Variants in HTR7 observed in about 807,000 individuals in gnomAD.
HTR7 encodes 5-HT-7.
HTR7 carries 16 observed loss-of-function variants against 34.0 expected under a neutral mutation model. The observed-to-expected ratio is 0.47, with a 90% CI of 0.32 to 0.71. The LOEUF is 0.71. Ranked by LOEUF, HTR7 falls within the 30% of genes least tolerant of loss-of-function variation. The pLI is 0.04. For missense variants in HTR7, 504 were observed against 625.5 expected, an observed-to-expected ratio of 0.81 and a Z score of 2.07; for synonymous variants, 265 against 260.2, an observed-to-expected ratio of 1.02 and a Z score of -0.18.
intron 1 of HTR7, among the ~76,000 whole-genome samples, chr10:90,838,477 T>C (rs1846283148): frequency 1.3e-5 from 2 of 152,162 alleles, no homozygotes; most frequent in African/African-American, 2.4e-5. Context: ...GGTCTCCAAG[T>C]TTTCATTCTC....
At chr10:90,784,279 TTCTTTCTCTGAAGC>T (rs1220191223) in intron 1 of HTR7, among the ~76,000 whole-genome samples, 3 of 152,336 alleles carry the variant, frequency 2.0e-5, no homozygotes, top group African/African-American at 4.8e-5. Context: ...TACCTCTGTG[TTCTTTCTCTGAAGC>T]TCAAGTATTG....
chr10:90,779,267 TAGAG>T (rs1845269851), intron 1 of HTR7, among the ~76,000 whole-genome samples: 1 of 152,062 alleles, frequency 6.6e-6, no homozygotes, highest in South Asian at 2.1e-4. Context: ...TTAGGACAAA[TAGAG>T]AAAGAGGGAC....
intron 1 of HTR7, among the ~76,000 whole-genome samples, chr10:90,763,925 G>T (rs1027286874): frequency 6.6e-6 from 1 of 152,166 alleles, no homozygotes; most frequent in East Asian, 1.9e-4. Flanking sequence ...ACATATGTGT[G>T]CATGTGTCTT....
At chr10:90,806,586 G>A (rs1017115337) in intron 1 of HTR7, among the ~76,000 whole-genome samples, 2 of 151,330 alleles carry the variant, frequency 1.3e-5, no homozygotes, top group African/African-American at 2.4e-5. Context: ...GCGACAGAGC[G>A]AGACTCCATC....
chr10:90,808,739 C>G (rs1475742097), intron 1 of HTR7, among the ~76,000 whole-genome samples: 3 of 152,080 alleles, frequency 2.0e-5, no homozygotes, highest in Non-Finnish European at 2.9e-5. Flanking sequence ...TCTCCCTTAG[C>G]CTGTGTTCTC....
chr10:90,811,280 C>T (rs1845805170), intron 1 of HTR7, among the ~76,000 whole-genome samples: 1 of 152,126 alleles, frequency 6.6e-6, no homozygotes, highest in South Asian at 2.1e-4. Context: ...CTGCTGCCAC[C>T]CCAATACTTT....
chr10:90,754,966 G>A (rs899581771), intron 1 of HTR7, among the ~76,000 whole-genome samples: 1 of 152,190 alleles, frequency 6.6e-6, no homozygotes, highest in South Asian at 2.1e-4. Context: ...AGTGGCTGCT[G>A]AAACTGCCAG....
intron 1 of HTR7, among the ~76,000 whole-genome samples, chr10:90,817,830 C>G (rs1845919514): frequency 6.6e-6 from 1 of 152,122 alleles, no homozygotes; most frequent in African/African-American, 2.4e-5. Context: ...AAATGTCTTT[C>G]AACTGTTGAA....
intron 1 of HTR7, among the ~76,000 whole-genome samples, chr10:90,833,712 TC>T (rs1392496059): frequency 5.3e-5 from 8 of 152,226 alleles, no homozygotes; most frequent in African/African-American, 1.9e-4. Context: ...CCAGTAATAA[TC>T]ATGGATTTTA....
At chr10:90,766,645 A>AT in intron 1 of HTR7, among the ~76,000 whole-genome samples, 1 of 152,122 alleles carries the variant, frequency 6.6e-6, no homozygotes, top group East Asian at 1.9e-4. Flanking sequence ...TAACCTGAAG[A>AT]TTTTTTGTAG....
intron 1 of HTR7, among the ~76,000 whole-genome samples, chr10:90,831,265 G>T (rs1846167828): frequency 6.6e-6 from 1 of 152,268 alleles, no homozygotes. Flanking sequence ...AGCGTGTCCG[G>T]AGTTTGTTCC....
chr10:90,857,331 T>G lies in HTR7; in HGVS notation c.341A>C (p.Gln114Pro). Reference sequence around the variant, plus strand: ...GGACACGATCAGGTAGTTGGAGGGCTGGCGGAGCTTCTTGACGAAGCACAC... The same window carrying G: ...GGACACGATCAGGTAGTTGGAGGGCGGGCGGAGCTTCTTGACGAAGCACAC... ...ISVCFVKKLR[Q>P]PSNYLIVSLA... Residue 114 changes from glutamine (Q) to proline (P), a missense_variant, in exon 1 of 4, where the codon CAG becomes CCG. By Grantham distance (76) the Gln-to-Pro change is moderately conservative. Transcript: ENST00000336152. The surrounding 1 kb of genome is among the most constrained non-coding windows in gnomAD (Gnocchi z 6.5). 1 of 1,613,964 alleles carries G rather than the reference T, an allele frequency of 6.2e-7. No homozygotes were observed. The highest frequency in any genetic ancestry group is 8.5e-7 in the Non-Finnish European group (1 of 1,179,994).
At chr10:90,788,059 T>G (rs2119869928) in intron 1 of HTR7, among the ~76,000 whole-genome samples, 1 of 152,234 alleles carries the variant, frequency 6.6e-6, no homozygotes, top group Admixed American at 6.5e-5. Context: ...ACCCTTACCC[T>G]GAGCCGGAGC....
intron 1 of HTR7, among the ~76,000 whole-genome samples, chr10:90,802,731 G>C (rs1385427290): frequency 6.6e-6 from 1 of 152,176 alleles, no homozygotes; most frequent in Non-Finnish European, 1.5e-5. Flanking sequence ...GATTCCATGT[G>C]GGATTAACAA....
At chr10:90,761,618 C>T (rs140240653) in intron 1 of HTR7, among the ~76,000 whole-genome samples, 1 of 139,054 alleles carries the variant, frequency 7.2e-6, no homozygotes, top group Non-Finnish European at 1.5e-5. Flanking sequence ...ACATAGTTAC[C>T]ATTTTGTGTG....
chr10:90,775,262 C>T (rs1231464969), intron 1 of HTR7, among the ~76,000 whole-genome samples: 3 of 152,110 alleles, frequency 2.0e-5, no homozygotes, highest in Non-Finnish European at 4.4e-5. Flanking sequence ...GTGATAAAGG[C>T]AAGGAAACAA....
chr10:90,856,376 G>C (rs1257669636), intron 1 of HTR7, among the ~76,000 whole-genome samples: 2 of 152,078 alleles, frequency 1.3e-5, no homozygotes, highest in African/African-American at 4.8e-5. Flanking sequence ...AAACCCTGTG[G>C]GTCTCCTAGT....
chr10:90,840,823 ATCCTG>A (rs1846318609), intron 1 of HTR7, among the ~76,000 whole-genome samples: 1 of 152,256 alleles, frequency 6.6e-6, no homozygotes, highest in Non-Finnish European at 1.5e-5. Context: ...ATAGATGACT[ATCCTG>A]AAACTCAAAG....
rs1288396205 is a variant in HTR7, at chr10:90,741,504, T to A, written c.*978A>T. The A allele has an allele frequency of 6.6e-6, 1 of 152,166 alleles. No homozygotes were observed. Among genetic ancestry groups the A allele is most frequent in the African/African-American group, 2.4e-5 (1 of 41,440 alleles). The allele number at this position is 152,166 out of a possible 1,614,324, so 9.4% of individuals were successfully genotyped here. On this transcript the variant is annotated 3_prime_UTR_variant, in exon 4 of 4. Coordinates refer to ENST00000336152, the MANE Select transcript of HTR7 (RefSeq NM_019859.4). Reference sequence around the variant, plus strand: ...CAAGAGTGGTCCAGGTGACCTCGCTTCACACAATTTGGTTTAACACAATGC... The same window carrying A: ...CAAGAGTGGTCCAGGTGACCTCGCTACACACAATTTGGTTTAACACAATGC...
Sources: gnomAD v4.1 joint callset for allele counts (sites outside exome capture counted in the v4.1 genomes callset) on GRCh38, gnomAD v4.1.1 for gene constraint, Gnocchi (gnomAD v3.1) non-coding constraint, MANE v1.5 for transcripts, NCBI Gene and HGNC (gene_info 2026-07-23, HGNC 2026-07-21) for gene names.